The following MALT1 variants were observed in gnomAD, a reference collection of about 807,000 sequenced individuals.
MALT1 encodes MALT1 paracaspase, also known as mucosa-associated lymphoid tissue lymphoma translocation protein 1.
In MALT1, 36 loss-of-function variants were observed where a neutral mutation model predicts 85.5. That is an observed-to-expected ratio of 0.42 (90% CI 0.32 to 0.56). The LOEUF is 0.56. Among genes scored for constraint, MALT1 ranks in the 20% least tolerant of loss-of-function variants. The pLI is 0.10. For missense variants in MALT1, 716 were observed against 981.6 expected, an observed-to-expected ratio of 0.73 and a Z score of 3.62; for synonymous variants, 359 against 361.3, an observed-to-expected ratio of 0.99 and a Z score of 0.07.
rs190638290 is a variant in MALT1, at chr18:58,742,367, C to G, written c.1753+353C>G. On this transcript the variant is annotated intron_variant, in intron 14 of 16. Transcript: ENST00000649217. ...CATGGATTGGGTTCTGATCCAGTCT[C>G]TACCACTCTATGAACATGTTATCTA... Among the ~76,000 whole-genome samples the G allele has an allele frequency of 5.3e-5, 8 of 152,264 alleles. No homozygotes were observed. The East Asian group carries it at 9.6e-4, about 18-fold the overall frequency.
Position 58,733,488 on chromosome 18 carries a change from TTGTC to T in MALT1, c.1318_1321del (p.Leu440ValfsTer6), listed in dbSNP as rs1568151207. On this transcript the variant is annotated frameshift_variant, in exon 11 of 17. Coordinates refer to ENST00000649217, the MANE Select transcript of MALT1 (RefSeq NM_006785.4). LOFTEE classifies it high-confidence loss of function. ...CTCCAAATCCATATAGGTCTGAAAATTGTCTGTGTGTACAAAATATACTGAAATT... is the reference window on the plus strand; with the variant it reads ...CTCCAAATCCATATAGGTCTGAAAATTGTGTGTACAAAATATACTGAAATT... The T allele has an allele frequency of 3.1e-6, 5 of 1,613,354 alleles. No homozygotes were observed. Among genetic ancestry groups the T allele is most frequent in the East Asian group, 2.2e-5 (1 of 44,858 alleles).
chr18:58,741,057 A>AT (rs979354837), intron 13 of MALT1, among the ~76,000 whole-genome samples: 1 of 151,990 alleles, frequency 6.6e-6, no homozygotes, highest in African/African-American at 2.4e-5. Context: ...CTAATATGCT[A>AT]TTTTTTACAC....
chr18:58,684,439 C>CTTTTT (rs548214354), intron 2 of MALT1, among the ~76,000 whole-genome samples: 17 of 73,542 alleles, frequency 2.3e-4, no homozygotes, highest in South Asian at 1.2e-3. Context: ...AAGATTTACT[C>CTTTTT]TTTTTTTTTT....
intron 2 of MALT1, chr18:58,690,562 G>T: frequency 6.2e-6 from 1 of 160,654 alleles, no homozygotes. Context: ...CGCCCGGGCT[G>T]CCACCGCTGA....
chr18:58,733,911 G>A, intron 11 of MALT1: 1 of 1,145,788 alleles, frequency 8.7e-7, no homozygotes, highest in South Asian at 2.8e-5. Context: ...CCATGGAGTT[G>A]GGATCTCTGC....
chr18:58,727,819 CACTT>C (rs1403076108), intron 10 of MALT1, among the ~76,000 whole-genome samples: 3 of 152,088 alleles, frequency 2.0e-5, no homozygotes, highest in African/African-American at 7.2e-5. Flanking sequence ...TTGGTTCTGT[CACTT>C]ACTAGGCATT....
chr18:58,687,793 A>T (rs962628185), intron 2 of MALT1, among the ~76,000 whole-genome samples: 2 of 152,212 alleles, frequency 1.3e-5, no homozygotes, highest in African/African-American at 4.8e-5. Context: ...TATCTTTCTT[A>T]TAATTTCAGC....
chr18:58,743,955 GA>G (rs533408168), intron 14 of MALT1, among the ~76,000 whole-genome samples: 48 of 151,842 alleles, frequency 3.2e-4, no homozygotes, highest in Non-Finnish European at 4.9e-4. Context: ...ATAAAACCCA[GA>G]GGTATTATAA....
intron 16 of MALT1, 86 bp downstream of exon 16, chr18:58,745,877 C>G (rs76982120): frequency 2.4e-6 from 3 of 1,234,628 alleles, no homozygotes; most frequent in Non-Finnish European, 3.4e-6. Flanking sequence ...GATATGCTGC[C>G]TTATTATTAA....
chr18:58,712,780 T>C (rs1023528191), intron 7 of MALT1, among the ~76,000 whole-genome samples: 2 of 152,176 alleles, frequency 1.3e-5, no homozygotes, highest in African/African-American at 4.8e-5. Context: ...AAATATCATA[T>C]GTATCCCATA....
At chr18:58,727,278 T>A (rs78944121) in intron 10 of MALT1, among the ~76,000 whole-genome samples, 1 of 2,724 alleles carries the variant, frequency 3.7e-4, no homozygotes, top group Admixed American at 0.023. Context: ...GTTTTTTGGG[T>A]TTTTTTTTTG....
At position 58,715,164 on chromosome 18, in the gene MALT1, T is replaced by A. The variant is rs183474786; in HGVS notation, c.986-771T>A. Reference sequence around the variant, plus strand: ...TCTCTTACTGGGGGAGAATAGGGGGTCTGGATAGAATCCCCTTTCCTAAAT... The same window carrying A: ...TCTCTTACTGGGGGAGAATAGGGGGACTGGATAGAATCCCCTTTCCTAAAT... On this transcript the variant is annotated intron_variant, in intron 8 of 16. Transcript: ENST00000649217. Among the ~76,000 whole-genome samples, 20 of 152,210 alleles carry A rather than the reference T, an allele frequency of 1.3e-4. No individual in the cohort carries two copies. The East Asian group carries it at 3.9e-3, about 29-fold the overall frequency.
At chr18:58,712,988 C>T (rs1357080865) in intron 7 of MALT1, among the ~76,000 whole-genome samples, 8 of 151,932 alleles carry the variant, frequency 5.3e-5, no homozygotes, top group Admixed American at 6.6e-5. Flanking sequence ...AAGAAAAGAA[C>T]CTAACTGTAT....
At chr18:58,728,548 T>C (rs1372417468) in intron 10 of MALT1, among the ~76,000 whole-genome samples, 14 of 152,182 alleles carry the variant, frequency 9.2e-5, no homozygotes, top group Admixed American at 9.2e-4. Flanking sequence ...GAAGCTGCAG[T>C]GAGCTGTGAT....
chr18:58,739,073 C>T (rs940999282), intron 13 of MALT1, among the ~76,000 whole-genome samples: 4 of 151,932 alleles, frequency 2.6e-5, no homozygotes, highest in African/African-American at 7.3e-5. Flanking sequence ...TTTTCTGCAG[C>T]TATGAAGAAG....
chr18:58,721,666 T>G (rs2054985263), intron 9 of MALT1, among the ~76,000 whole-genome samples: 1 of 152,212 alleles, frequency 6.6e-6, no homozygotes, highest in Admixed American at 6.5e-5. Context: ...ACACTAGGTT[T>G]AAGTGTTCCA....
At chr18:58,744,312 A>G in intron 14 of MALT1, 26 bp from the exon 15 acceptor site, 1 of 1,560,098 alleles carries the variant, frequency 6.4e-7, no homozygotes, top group Non-Finnish European at 8.7e-7. Flanking sequence ...AAACCTACCA[A>G]AGTTGTTCTT....
intron 10 of MALT1, among the ~76,000 whole-genome samples, chr18:58,728,793 G>A (rs1292988068): frequency 6.6e-6 from 1 of 152,148 alleles, no homozygotes; most frequent in Non-Finnish European, 1.5e-5. Flanking sequence ...TTCAGCAGTT[G>A]CAGGGCTGGG....
intron 10 of MALT1, among the ~76,000 whole-genome samples, chr18:58,729,263 G>A (rs1167762831): frequency 6.6e-6 from 1 of 152,130 alleles, no homozygotes; most frequent in Non-Finnish European, 1.5e-5. Context: ...GCCGAGGCAG[G>A]CAGATCACCT....
Sources: allele counts gnomAD v4.1 joint callset (sites outside exome capture counted in the v4.1 genomes callset), GRCh38; gene constraint gnomAD v4.1.1; transcripts MANE v1.5; gene names NCBI Gene and HGNC (gene_info 2026-07-23, HGNC 2026-07-21).